Variants in SPATA13 observed in about 807,000 individuals in gnomAD.
SPATA13 encodes spermatogenesis associated 13.
A neutral mutation model predicts 104.0 loss-of-function variants in SPATA13; 50 were observed. That is an observed-to-expected ratio of 0.48 (90% CI 0.38 to 0.61). The LOEUF (loss-of-function observed/expected upper bound fraction) is 0.61. Among genes scored for constraint, SPATA13 ranks in the 20% least tolerant of loss-of-function variants. The probability of loss-of-function intolerance (pLI) is 0.00; values close to 1 mark genes in which losing one functional copy is unlikely to be tolerated. For missense variants in SPATA13, 1,524 were observed against 1,690.6 expected, an observed-to-expected ratio of 0.90 and a Z score of 1.73; for synonymous variants, 606 against 667.5, an observed-to-expected ratio of 0.91 and a Z score of 1.42.
chr13:24,073,549 T>A (rs540374083), intron 3 of SPATA13, among the ~76,000 whole-genome samples: 2 of 152,326 alleles, frequency 1.3e-5, no homozygotes, highest in East Asian at 3.9e-4. Context: ...ACAGGTGACA[T>A]TGGTGCCGGT....
chr13:24,290,585 G>T (rs1876272907), intron 8 of SPATA13, 67 bp from the exon 9 acceptor site: 1 of 1,188,526 alleles, frequency 8.4e-7, no homozygotes, highest in Non-Finnish European at 1.3e-6. Context: ...GGGCTGGGAT[G>T]ATGCCTGTCT....
intron 2 of SPATA13, among the ~76,000 whole-genome samples, chr13:24,230,228 A>G (rs1172941619): frequency 6.6e-6 from 1 of 152,252 alleles, no homozygotes; most frequent in African/African-American, 2.4e-5. Flanking sequence ...TCACCACTCA[A>G]CACCTGCTAT....
At chr13:24,170,605 G>A (rs1882929849) in intron 1 of SPATA13, among the ~76,000 whole-genome samples, 1 of 151,696 alleles carries the variant, frequency 6.6e-6, no homozygotes, top group Non-Finnish European at 1.5e-5. Flanking sequence ...TCAGATTGAG[G>A]CTTTTGAAGA....
At chr13:24,261,561 C>T (rs767673385) in intron 4 of SPATA13, among the ~76,000 whole-genome samples, 1 of 152,058 alleles carries the variant, frequency 6.6e-6, no homozygotes, top group South Asian at 2.1e-4. Context: ...GGATCTTGAA[C>T]CATGCTCTGA....
intron 1 of SPATA13, among the ~76,000 whole-genome samples, chr13:24,175,168 C>T (rs111940446): frequency 1.3e-5 from 2 of 151,988 alleles, no homozygotes; most frequent in East Asian, 1.9e-4. Flanking sequence ...TCCTTTTGGT[C>T]GAGGGCATTA....
At chr13:24,273,772 G>A (rs910505035) in intron 4 of SPATA13, among the ~76,000 whole-genome samples, 1 of 152,196 alleles carries the variant, frequency 6.6e-6, no homozygotes, top group Non-Finnish European at 1.5e-5. Flanking sequence ...AGAGGATCAG[G>A]GAACTGAAAA....
chr13:24,300,963 A>G (rs1015196742), intron 12 of SPATA13, among the ~76,000 whole-genome samples: 1 of 152,188 alleles, frequency 6.6e-6, no homozygotes, highest in Non-Finnish European at 1.5e-5. Context: ...AGACAAAAAA[A>G]GACACGTGAG....
chr13:24,136,457 C>T (rs1008320954), intron 3 of SPATA13, among the ~76,000 whole-genome samples: 10 of 148,322 alleles, frequency 6.7e-5, no homozygotes, highest in Admixed American at 1.4e-4. Context: ...GCCTGGGTAA[C>T]AAGAGTGAAA....
chr13:24,233,711 C>T (rs190047975), intron 2 of SPATA13, among the ~76,000 whole-genome samples: 1 of 152,224 alleles, frequency 6.6e-6, no homozygotes, highest in African/African-American at 2.4e-5. Flanking sequence ...CAAAGTATTT[C>T]TGAAAGGGTG....
At chr13:24,034,644 G>A (rs1450518341) in intron 3 of SPATA13, 1 of 152,180 alleles carries the variant, frequency 6.6e-6, no homozygotes, top group Non-Finnish European at 1.5e-5. Context: ...ATGTCACTTG[G>A]ACCACAGTCA....
At chr13:24,142,998 C>T (rs923949427) in intron 3 of SPATA13, among the ~76,000 whole-genome samples, 2 of 152,172 alleles carry the variant, frequency 1.3e-5, no homozygotes, top group African/African-American at 2.4e-5. Flanking sequence ...GTTGGGTTCA[C>T]ACAGAAGCTG....
chr13:24,297,072 T>C (rs1876837153), intron 10 of SPATA13, among the ~76,000 whole-genome samples: 1 of 152,160 alleles, frequency 6.6e-6, no homozygotes, highest in African/African-American at 2.4e-5. Flanking sequence ...AGGGTCTTGC[T>C]CTGCCCCTCA....
chr13:24,166,441 C>T (rs1266610619), intron 1 of SPATA13, among the ~76,000 whole-genome samples: 1 of 152,108 alleles, frequency 6.6e-6, no homozygotes, highest in Non-Finnish European at 1.5e-5. Flanking sequence ...CAAAGGAAAA[C>T]CTTCTAGCCC....
chr13:24,175,263 G>A (rs558951901), intron 1 of SPATA13, among the ~76,000 whole-genome samples: 1 of 152,006 alleles, frequency 6.6e-6, no homozygotes, highest in East Asian at 1.9e-4. Flanking sequence ...TGTTGTTGTT[G>A]TTTTGTTTTG....
intron 3 of SPATA13, among the ~76,000 whole-genome samples, chr13:24,087,897 G>A (rs544421322): frequency 1.5e-4 from 23 of 152,282 alleles, no homozygotes; most frequent in South Asian, 4.1e-4. Flanking sequence ...TGGTCCCACC[G>A]GTAGTCTTGC....
chr13:24,233,189 A>G (rs991241311), intron 2 of SPATA13, among the ~76,000 whole-genome samples: 6 of 152,270 alleles, frequency 3.9e-5, no homozygotes, highest in African/African-American at 1.2e-4. Context: ...AAAACATTAC[A>G]GAATTTGAAT....
chr13:24,183,690 G>A (rs1868954687), intron 1 of SPATA13, among the ~76,000 whole-genome samples: 1 of 151,542 alleles, frequency 6.6e-6, no homozygotes, highest in South Asian at 2.1e-4. Context: ...TTCTTCCAGA[G>A]TGGCCCAGGG....
chr13:24,255,003 A>G (rs1873712678), intron 4 of SPATA13, among the ~76,000 whole-genome samples: 1 of 152,058 alleles, frequency 6.6e-6, no homozygotes, highest in Non-Finnish European at 1.5e-5. Context: ...GTAGCCAGTT[A>G]TACTCCTTCC....
chr13:24,113,238 A>C (rs17080078), intron 3 of SPATA13, among the ~76,000 whole-genome samples: 1,741 of 152,344 alleles, frequency 0.011, 20 homozygotes, highest in African/African-American at 0.028. Flanking sequence ...TTAATATCCT[A>C]GGCAAAAGTT....
Sources: allele counts gnomAD v4.1 joint callset (sites outside exome capture counted in the v4.1 genomes callset), GRCh38; gene constraint gnomAD v4.1.1; transcripts MANE v1.5; gene names NCBI Gene and HGNC (gene_info 2026-07-23, HGNC 2026-07-21).